PCDH9: variants seen among roughly 807,000 people sequenced by gnomAD.
The protein encoded by PCDH9 is protocadherin 9.
In PCDH9, 24 loss-of-function variants were observed where a neutral mutation model predicts 70.6. The observed-to-expected ratio is 0.34, with a 90% confidence interval of 0.25 to 0.48. The LOEUF is 0.48. PCDH9 is among the 20% of genes least tolerant of loss of function. The pLI, the probability that PCDH9 is intolerant of heterozygous loss-of-function variation, is 0.99. For synonymous variants in PCDH9, 562 were observed against 558.5 expected (o/e 1.01, Z -0.09); for missense variants, 1,281 against 1,503.6 (o/e 0.85, Z 2.45).
chr13:67,151,300 T>C (rs1383073138), intron 2 of PCDH9, among the ~76,000 whole-genome samples: 10 of 152,190 alleles, frequency 6.6e-5, no homozygotes, highest in African/African-American at 2.4e-4. Flanking sequence ...GGGATGGAAT[T>C]GTTTCTTAAC....
chr13:67,160,189 CAA>C (rs1298072081), intron 2 of PCDH9, among the ~76,000 whole-genome samples: 2 of 152,160 alleles, frequency 1.3e-5, no homozygotes, highest in African/African-American at 4.8e-5. Flanking sequence ...GCAAATACTC[CAA>C]AAGTTTTATA....
chr13:66,650,629 G>A (rs2077837760), intron 3 of PCDH9, among the ~76,000 whole-genome samples: 1 of 151,712 alleles, frequency 6.6e-6, no homozygotes, highest in African/African-American at 2.4e-5. Context: ...CTTCACAGTG[G>A]ACTTAGTATA....
At chr13:66,686,454 T>C (rs2078403671) in intron 3 of PCDH9, among the ~76,000 whole-genome samples, 1 of 152,192 alleles carries the variant, frequency 6.6e-6, no homozygotes, top group South Asian at 2.1e-4. Flanking sequence ...TGGACAATTA[T>C]TTATAACAGC....
At chr13:66,437,294 C>T (rs980213367) in intron 4 of PCDH9, among the ~76,000 whole-genome samples, 3 of 148,464 alleles carry the variant, frequency 2.0e-5, no homozygotes, top group African/African-American at 7.4e-5. Context: ...GTAGTCCCAG[C>T]TACTCAGGAG....
At chr13:66,561,104 T>C (rs1242117452) in intron 4 of PCDH9, among the ~76,000 whole-genome samples, 1 of 152,170 alleles carries the variant, frequency 6.6e-6, no homozygotes, top group African/African-American at 2.4e-5. Context: ...GCGTGGTGCT[T>C]GTGAGCCAGC....
intron 4 of PCDH9, among the ~76,000 whole-genome samples, chr13:66,517,065 T>C (rs151302779): frequency 1.2e-3 from 182 of 152,166 alleles, no homozygotes; most frequent in Admixed American, 4.0e-3. Flanking sequence ...CAGCAAGACT[T>C]GAGATATGTA....
chr13:66,529,340 T>G (rs1960344067), intron 4 of PCDH9, among the ~76,000 whole-genome samples: 2 of 152,238 alleles, frequency 1.3e-5, no homozygotes, highest in East Asian at 1.9e-4. Flanking sequence ...ATACACACCT[T>G]CTTTATACCA....
intron 2 of PCDH9, among the ~76,000 whole-genome samples, chr13:67,133,898 G>A (rs937393188): frequency 1.3e-5 from 2 of 151,888 alleles, no homozygotes; most frequent in African/African-American, 4.8e-5. Flanking sequence ...GCTGAAATGG[G>A]GAAAACTTCT....
intron 2 of PCDH9, among the ~76,000 whole-genome samples, chr13:67,156,194 T>C (rs138704143): frequency 0.015 from 2,250 of 152,096 alleles, 30 homozygotes; most frequent in Middle Eastern, 0.051. Context: ...AAGACCATCC[T>C]GGCCCACCAC....
intron 4 of PCDH9, among the ~76,000 whole-genome samples, chr13:66,501,112 A>T (rs983817385): frequency 5.9e-5 from 9 of 152,152 alleles, no homozygotes; most frequent in African/African-American, 2.2e-4. Flanking sequence ...AAATCTCAAA[A>T]GGCGGGCCAA....
intron 3 of PCDH9, among the ~76,000 whole-genome samples, chr13:66,729,208 G>A (rs1326782489): frequency 6.6e-6 from 1 of 151,950 alleles, no homozygotes; most frequent in East Asian, 1.9e-4. Context: ...AAAGATGATG[G>A]TATCACATCC....
intron 2 of PCDH9, among the ~76,000 whole-genome samples, chr13:66,931,669 C>T (rs535459595): frequency 6.6e-6 from 1 of 152,246 alleles, no homozygotes; most frequent in South Asian, 2.1e-4. Context: ...GCAGCAAGCA[C>T]ATGACTTTTC....
At chr13:66,873,396 T>A (rs963740608) in intron 3 of PCDH9, among the ~76,000 whole-genome samples, 1 of 152,174 alleles carries the variant, frequency 6.6e-6, no homozygotes, top group South Asian at 2.1e-4. Flanking sequence ...GGGGAAGGAA[T>A]AGTGAATGTC....
intron 2 of PCDH9, among the ~76,000 whole-genome samples, chr13:66,962,455 T>A (rs1203335417): frequency 6.6e-6 from 1 of 152,170 alleles, no homozygotes; most frequent in Non-Finnish European, 1.5e-5. Context: ...CATTGGGCAA[T>A]TTTGTCATTG....
At chr13:66,676,529 G>A (rs2078245245) in intron 3 of PCDH9, among the ~76,000 whole-genome samples, 1 of 152,086 alleles carries the variant, frequency 6.6e-6, no homozygotes, top group South Asian at 2.1e-4. Flanking sequence ...AACTTGGAAA[G>A]TTGTAGAGAG....
At chr13:66,649,819 G>A (rs1444057510) in intron 3 of PCDH9, among the ~76,000 whole-genome samples, 1 of 151,886 alleles carries the variant, frequency 6.6e-6, no homozygotes, top group Non-Finnish European at 1.5e-5. Flanking sequence ...AAAAAGCAGT[G>A]GGGCAAAGTT....
intron 4 of PCDH9, among the ~76,000 whole-genome samples, chr13:66,371,920 G>T (rs1956661901): frequency 6.6e-6 from 1 of 151,974 alleles, no homozygotes; most frequent in South Asian, 2.1e-4. Flanking sequence ...AAAGATTTGT[G>T]ATCTTCAGGC....
intron 4 of PCDH9, among the ~76,000 whole-genome samples, chr13:66,560,697 T>C (rs1268790747): frequency 1.3e-5 from 2 of 152,084 alleles, no homozygotes; most frequent in African/African-American, 2.4e-5. Flanking sequence ...GATTGGAGAA[T>C]TGAAAAGGCA....
intron 3 of PCDH9, among the ~76,000 whole-genome samples, chr13:66,741,938 A>G (rs1327021219): frequency 6.7e-6 from 1 of 150,258 alleles, no homozygotes; most frequent in Non-Finnish European, 1.5e-5. Context: ...TATAGAGTCA[A>G]TGCCATCCCC....
Sources: gnomAD v4.1 joint callset for allele counts (sites outside exome capture counted in the v4.1 genomes callset) on GRCh38, gnomAD v4.1.1 for gene constraint, MANE v1.5 for transcripts, NCBI Gene and HGNC (gene_info 2026-07-23, HGNC 2026-07-21) for gene names.